Variants in KCND3 observed in about 807,000 individuals in gnomAD.
KCND3 encodes the protein A-type voltage-gated potassium channel KCND3.
KCND3 carries 9 observed loss-of-function variants against 51.1 expected under a neutral mutation model. The ratio of observed to expected loss-of-function variants is 0.18; its 90% CI spans 0.11 to 0.31. The LOEUF is 0.31. KCND3 is among the 10% of genes least tolerant of loss of function. The probability of loss-of-function intolerance (pLI) is 1.00; values close to 1 mark genes in which losing one functional copy is unlikely to be tolerated. For missense variants in KCND3, 526 were observed against 903.8 expected, an observed-to-expected ratio of 0.58 and a Z score of 5.36; for synonymous variants, 349 against 368.0, an observed-to-expected ratio of 0.95 and a Z score of 0.59.
intron 2 of KCND3, among the ~76,000 whole-genome samples, chr1:111,935,678 C>A (rs1167018638): frequency 6.6e-6 from 1 of 152,212 alleles, no homozygotes; most frequent in African/African-American, 2.4e-5. Context: ...TCCTTCCCCG[C>A]ATTAGCTCCT....
At chr1:111,945,539 C>T (rs1672738512) in intron 2 of KCND3, among the ~76,000 whole-genome samples, 1 of 152,220 alleles carries the variant, frequency 6.6e-6, no homozygotes, top group Non-Finnish European at 1.5e-5. Flanking sequence ...TGCACTGAGG[C>T]TCACGGGGGA....
intron 2 of KCND3, among the ~76,000 whole-genome samples, chr1:111,795,975 T>C (rs577405851): frequency 7.9e-5 from 12 of 152,220 alleles, no homozygotes; most frequent in Admixed American, 2.0e-4. Context: ...GTTGGCCGCA[T>C]GTATTTCTTT....
At chr1:111,967,044 G>A (rs1483161484) in intron 2 of KCND3, among the ~76,000 whole-genome samples, 1 of 151,656 alleles carries the variant, frequency 6.6e-6, no homozygotes, top group African/African-American at 2.4e-5. Context: ...GGAGGCTGAG[G>A]CAGGAGAATC....
chr1:111,840,325 C>T (rs1667271032), intron 2 of KCND3, among the ~76,000 whole-genome samples: 1 of 152,202 alleles, frequency 6.6e-6, no homozygotes, highest in African/African-American at 2.4e-5. Flanking sequence ...TGGTGCTGCT[C>T]CTCTGGTATG....
intron 2 of KCND3, among the ~76,000 whole-genome samples, chr1:111,844,954 G>A (rs1667481902): frequency 6.6e-6 from 1 of 152,138 alleles, no homozygotes; most frequent in South Asian, 2.1e-4. Context: ...GCTCCTTCAA[G>A]ACAAACACAC....
intron 2 of KCND3, among the ~76,000 whole-genome samples, chr1:111,892,333 T>C (rs974566835): frequency 6.6e-6 from 1 of 152,210 alleles, no homozygotes; most frequent in Non-Finnish European, 1.5e-5. Flanking sequence ...TCATGTTGTA[T>C]CATTTATTGG....
In KCND3 at chr1:111,982,736, A is replaced by C. The variant is rs774559487; in HGVS notation, c.-10T>G. ...CAACTCCGGCCGCCATGGTGACTCC[A>C]GCTCTTGGGCCGGCAGCCGCGCGGA... On this transcript the variant is annotated 5_prime_UTR_variant, in exon 2 of 8. Coordinates refer to ENST00000302127, the MANE Select transcript of KCND3 (RefSeq NM_001378969.1). This position sits in a 1 kb window ranked among gnomAD's most constrained non-coding sequence, Gnocchi z 8.5. 1 of 1,600,610 alleles carries C rather than the reference A, an allele frequency of 6.2e-7. No homozygotes were observed. The highest frequency in any genetic ancestry group is 2.2e-5 in the East Asian group (1 of 44,750).
At chr1:111,865,319 G>C (rs539370261) in intron 2 of KCND3, among the ~76,000 whole-genome samples, 2 of 152,348 alleles carry the variant, frequency 1.3e-5, no homozygotes, top group South Asian at 2.1e-4. Context: ...CTACAGTAGG[G>C]GGTAGGTACT....
intron 2 of KCND3, among the ~76,000 whole-genome samples, chr1:111,820,597 C>G (rs982831270): frequency 1.3e-5 from 2 of 152,148 alleles, no homozygotes; most frequent in African/African-American, 4.8e-5. Context: ...TGCTTCTTCT[C>G]CTTCTCCAGG....
chr1:111,963,445 T>C (rs1287326341), intron 2 of KCND3, among the ~76,000 whole-genome samples: 1 of 152,250 alleles, frequency 6.6e-6, no homozygotes. Flanking sequence ...ACTTAATCTC[T>C]CTGTTCCTCA....
Position 111,895,216 on chromosome 1 carries a change from G to A in KCND3, c.1106+86405C>T, listed in dbSNP as rs1033012736. Among the ~76,000 whole-genome samples the A allele has an allele frequency of 4.0e-5, 6 of 151,562 alleles. No homozygotes were observed. The East Asian group carries it at 7.8e-4, about 20-fold the overall frequency. ...AGGGGGAGGAGGCAGGGTGAGGACGGAGAGGGAGGAGGGAAGGATGATTCT... is the reference window on the plus strand; with the variant it reads ...AGGGGGAGGAGGCAGGGTGAGGACGAAGAGGGAGGAGGGAAGGATGATTCT... On this transcript the variant is annotated intron_variant, in intron 2 of 7. Transcript: ENST00000302127.
chr1:111,868,358 C>T (rs1668673359), intron 2 of KCND3, among the ~76,000 whole-genome samples: 1 of 152,188 alleles, frequency 6.6e-6, no homozygotes, highest in Admixed American at 6.5e-5. Context: ...TTTCCCAGTG[C>T]TCGTGTTTAG....
chr1:111,809,343 C>T (rs1665731441), intron 2 of KCND3, among the ~76,000 whole-genome samples: 1 of 151,228 alleles, frequency 6.6e-6, no homozygotes, highest in South Asian at 2.1e-4. Flanking sequence ...GAGTCTCGCT[C>T]TGTCCCCCAG....
At chr1:111,985,666 A>T (rs1675235233) in intron 1 of KCND3, among the ~76,000 whole-genome samples, 1 of 152,256 alleles carries the variant, frequency 6.6e-6, no homozygotes, top group South Asian at 2.1e-4. Flanking sequence ...CTGAAGACAG[A>T]TCTGAATCAG....
intron 2 of KCND3, among the ~76,000 whole-genome samples, chr1:111,819,161 TCA>T (rs1666238999): frequency 6.6e-6 from 1 of 152,116 alleles, no homozygotes; most frequent in Admixed American, 6.5e-5. Flanking sequence ...AGCCTCTCAC[TCA>T]CACACTCACA....
chr1:111,815,841 T>C (rs1666063939), intron 2 of KCND3, among the ~76,000 whole-genome samples: 2 of 152,106 alleles, frequency 1.3e-5, no homozygotes, highest in East Asian at 1.9e-4. Flanking sequence ...GAGGCTAAGA[T>C]AGAAAGAAGG....
At chr1:111,884,617 G>C (rs1007279045) in intron 2 of KCND3, among the ~76,000 whole-genome samples, 1 of 152,204 alleles carries the variant, frequency 6.6e-6, no homozygotes, top group African/African-American at 2.4e-5. Flanking sequence ...ATTCCCATGA[G>C]AGGAGCAGTC....
chr1:111,948,554 C>T (rs1419193635), intron 2 of KCND3, among the ~76,000 whole-genome samples: 5 of 152,098 alleles, frequency 3.3e-5, no homozygotes, highest in Admixed American at 6.5e-5. Context: ...CACTTTTTTC[C>T]CCCTGGGTTG....
chr1:111,984,951 C>T (rs1275306082), intron 1 of KCND3, among the ~76,000 whole-genome samples: 1 of 152,154 alleles, frequency 6.6e-6, no homozygotes. Flanking sequence ...CACCTATCAC[C>T]CCGCAGCTAG....
Sources: gnomAD v4.1 joint callset for allele counts (sites outside exome capture counted in the v4.1 genomes callset) on GRCh38, gnomAD v4.1.1 for gene constraint, Gnocchi (gnomAD v3.1) non-coding constraint, MANE v1.5 for transcripts, NCBI Gene and HGNC (gene_info 2026-07-23, HGNC 2026-07-21) for gene names.